The following ARHGAP24 variants were observed in gnomAD, a reference collection of about 807,000 sequenced individuals.
ARHGAP24 encodes the protein Rho GTPase activating protein 24.
A neutral mutation model predicts 76.4 loss-of-function variants in ARHGAP24; 50 were observed. The observed-to-expected ratio is 0.65, with a 90% CI of 0.52 to 0.83. ARHGAP24 has a LOEUF of 0.83. ARHGAP24 is among the 40% of genes least tolerant of loss of function. ARHGAP24 has a pLI of 0.00. For missense variants in ARHGAP24, 930 were observed against 914.2 expected (o/e 1.02, Z -0.22); for synonymous variants, 345 against 323.3 (o/e 1.07, Z -0.72).
chr4:85,782,048 A>AT lies in ARHGAP24; in HGVS notation c.268+60076_268+60077insT, dbSNP rs1339166862. ...TGAGATTCTATCTCAAAAAAAAAAA[A>AT]AAAGAAAAAAAAAAGAAAAAAAAAA... On this transcript the variant is annotated intron_variant, in intron 3 of 9. Coordinates refer to ENST00000395184, the MANE Select transcript of ARHGAP24 (RefSeq NM_001025616.3). Among the ~76,000 whole-genome samples, 308 of 135,446 alleles carry AT rather than the reference A, an allele frequency of 2.3e-3. 4 individuals carry two copies. The highest frequency in any genetic ancestry group is 0.016 in the South Asian group (71 of 4,326). The allele number at this position is 135,446 out of a possible 152,430, so 88.9% of individuals were successfully genotyped here. A position where few individuals can be genotyped will look rare whatever the true frequency, so the allele number is the denominator to read the frequency against.
At position 85,507,572 on chromosome 4, in the gene ARHGAP24, G is replaced by T. The variant is rs543306793; in HGVS notation, c.-21+32013G>T. Among the ~76,000 whole-genome samples the T allele has an allele frequency of 1.1e-4, 16 of 152,298 alleles. No individual in the cohort carries two copies. In the South Asian group the frequency reaches 3.3e-3, roughly 32 times the overall value. On this transcript the variant is annotated intron_variant, in intron 1 of 9. Transcript: ENST00000395184. ...CAGAAAGAGAATAAACAATGAAATG[G>T]TGACGAGCATGAGTGTTATAAGTTG... is the stretch of plus-strand genomic sequence containing the variant.
chr4:85,598,969 T>A (rs10020940), intron 2 of ARHGAP24, among the ~76,000 whole-genome samples: 1,701 of 152,058 alleles, frequency 0.011, 36 homozygotes, highest in African/African-American at 0.039. Flanking sequence ...ATATGTTATT[T>A]ATATAAAACT....
intron 1 of ARHGAP24, among the ~76,000 whole-genome samples, chr4:85,510,930 G>T (rs1241305254): frequency 1.3e-5 from 2 of 152,018 alleles, no homozygotes; most frequent in Non-Finnish European, 2.9e-5. Flanking sequence ...TGGCTGCATA[G>T]TAACGGTATA....
intron 2 of ARHGAP24, among the ~76,000 whole-genome samples, chr4:85,678,524 A>G (rs1219256639): frequency 6.6e-6 from 1 of 152,242 alleles, no homozygotes; most frequent in African/African-American, 2.4e-5. Context: ...AGACACAAGC[A>G]AAACATTAAA....
At chr4:85,963,107 C>T (rs1357678447) in intron 5 of ARHGAP24, among the ~76,000 whole-genome samples, 1 of 151,922 alleles carries the variant, frequency 6.6e-6, no homozygotes, top group Non-Finnish European at 1.5e-5. Context: ...TCATTGTTTA[C>T]TTTCAAATGT....
At chr4:85,755,619 T>G in intron 3 of ARHGAP24, among the ~76,000 whole-genome samples, 1 of 24,984 alleles carries the variant, frequency 4.0e-5, no homozygotes, top group East Asian at 0.017. Context: ...GAAGCTTCTA[T>G]TCTTTTGTTT....
chr4:85,588,358 C>T (rs111355158), intron 2 of ARHGAP24, among the ~76,000 whole-genome samples: 1 of 152,202 alleles, frequency 6.6e-6, no homozygotes, highest in African/African-American at 2.4e-5. Flanking sequence ...AAGCATGTTT[C>T]ATGCCTTTCT....
chr4:85,629,384 A>G (rs1250797295), intron 2 of ARHGAP24, among the ~76,000 whole-genome samples: 2 of 152,220 alleles, frequency 1.3e-5, no homozygotes, highest in Admixed American at 6.5e-5. Context: ...AGTTATTTAT[A>G]TACTATCTTT....
At chr4:85,850,841 C>T (rs1328544333) in intron 3 of ARHGAP24, among the ~76,000 whole-genome samples, 4 of 152,148 alleles carry the variant, frequency 2.6e-5, no homozygotes, top group Non-Finnish European at 5.9e-5. Flanking sequence ...TGTTCTTTTA[C>T]ATTTGCTGAG....
At chr4:85,705,328 A>T (rs1368977885) in intron 2 of ARHGAP24, among the ~76,000 whole-genome samples, 1 of 152,176 alleles carries the variant, frequency 6.6e-6, no homozygotes, top group Non-Finnish European at 1.5e-5. Context: ...TGACTCTAAC[A>T]AGAAAATTTA....
chr4:85,634,109 T>C (rs563983831), intron 2 of ARHGAP24, among the ~76,000 whole-genome samples: 17 of 151,822 alleles, frequency 1.1e-4, no homozygotes, highest in Non-Finnish European at 1.5e-4. Flanking sequence ...GGATAAAAAA[T>C]CTCACAAATT....
rs921541258 is a variant in ARHGAP24 at position 85,696,916 on chromosome 4, G to A, written c.181-24969G>A. Among the ~76,000 whole-genome samples the A allele has an allele frequency of 3.9e-5, 6 of 152,172 alleles. No homozygotes were observed. The East Asian group carries it at 9.6e-4, about 24-fold the overall frequency. ...CCTGTCTTGTCAGTGGAAAAAAGAG[G>A]CATTGAAAGGGATGAGTAATGACAG... On this transcript the variant is annotated intron_variant, in intron 2 of 9. Transcript: ENST00000395184.
At chr4:85,895,021 A>G (rs1321929114) in intron 3 of ARHGAP24, among the ~76,000 whole-genome samples, 1 of 122,068 alleles carries the variant, frequency 8.2e-6, no homozygotes, top group Non-Finnish European at 1.7e-5. Flanking sequence ...AAAAAAAAAA[A>G]GAAAAGAAAA....
chr4:85,786,637 G>A (rs921402277), intron 3 of ARHGAP24, among the ~76,000 whole-genome samples: 5 of 149,780 alleles, frequency 3.3e-5, no homozygotes, highest in African/African-American at 1.2e-4. Context: ...ATGAAGTACT[G>A]TATCTCTTAT....
At chr4:85,657,307 A>G (rs1024718360) in intron 2 of ARHGAP24, among the ~76,000 whole-genome samples, 2 of 152,130 alleles carry the variant, frequency 1.3e-5, no homozygotes, top group African/African-American at 4.8e-5. Context: ...AAACCTTTGG[A>G]TGAAAGTTAA....
intron 3 of ARHGAP24, among the ~76,000 whole-genome samples, chr4:85,918,926 A>C (rs1735565398): frequency 6.6e-6 from 1 of 152,178 alleles, no homozygotes; most frequent in South Asian, 2.1e-4. Context: ...GTTATTTAAA[A>C]TGCGAACAAA....
intron 1 of ARHGAP24, among the ~76,000 whole-genome samples, chr4:85,520,557 G>T (rs1331470669): frequency 1.3e-5 from 2 of 152,058 alleles, no homozygotes; most frequent in African/African-American, 4.8e-5. Context: ...GGGCAATGAT[G>T]GGGGGAAGGA....
intron 3 of ARHGAP24, among the ~76,000 whole-genome samples, chr4:85,783,406 T>C (rs1727654870): frequency 1.3e-5 from 2 of 152,198 alleles, no homozygotes; most frequent in East Asian, 1.9e-4. Flanking sequence ...TTCTTTTACA[T>C]ATGACTTTGC....
intron 1 of ARHGAP24, among the ~76,000 whole-genome samples, chr4:85,495,608 G>A (rs1000913828): frequency 4.6e-5 from 7 of 151,718 alleles, no homozygotes; most frequent in Admixed American, 2.6e-4. Context: ...CGCCTCGGCC[G>A]CCCAAAGTGC....
Sources: gnomAD v4.1 joint callset for allele counts (sites outside exome capture counted in the v4.1 genomes callset) on GRCh38, gnomAD v4.1.1 for gene constraint, MANE v1.5 for transcripts, NCBI Gene and HGNC (gene_info 2026-07-23, HGNC 2026-07-21) for gene names.